Variants in AARS1 observed in about 807,000 individuals in gnomAD.
AARS1 encodes alanyl-tRNA synthetase 1.
AARS1 carries 72 observed loss-of-function variants against 108.9 expected under a neutral mutation model. The ratio of observed to expected loss-of-function variants is 0.66; its 90% CI spans 0.55 to 0.80. The LOEUF (loss-of-function observed/expected upper bound fraction) is 0.80, where lower values mean the gene tolerates loss of function less well. AARS1 is among the 30% of genes least tolerant of loss of function. The pLI, the probability that AARS1 is intolerant of heterozygous loss-of-function variation, is 0.00. For missense variants in AARS1, 1,193 were observed against 1,233.2 expected (o/e 0.97, Z 0.49); for synonymous variants, 489 against 465.7 (o/e 1.05, Z -0.64).
intron 1 of AARS1, among the ~76,000 whole-genome samples, chr16:70,286,465 T>C (rs1276753177): frequency 6.6e-6 from 1 of 151,170 alleles, no homozygotes; most frequent in African/African-American, 2.4e-5. Context: ...GGCTCAGGTG[T>C]TCCTCCCACC....
intron 9 of AARS1, among the ~76,000 whole-genome samples, chr16:70,267,168 C>A (rs1960284091): frequency 6.6e-6 from 1 of 152,116 alleles, no homozygotes; most frequent in South Asian, 2.1e-4. Context: ...AATGTGTGTT[C>A]AATTTGTGAA....
intron 8 of AARS1, 148 bp from the exon 9 acceptor site, chr16:70,267,957 C>G (rs752401640): frequency 8.9e-7 from 1 of 1,127,360 alleles, no homozygotes; most frequent in Non-Finnish European, 1.3e-6. Flanking sequence ...TGCCTGAGCT[C>G]AGGAGTTCAA....
At position 70,259,007 on chromosome 16, in the gene AARS1, A is replaced by G. The variant is rs779013701; in HGVS notation, c.1965T>C (p.Ile655=). ...TGGCTGCCTCAATCATCTCATTAGC[A>G]ATCTCTTCAGCCTTCTTGATCTGTT... ...STQQIKKAEE[I]ANEMIEAAKA... Residue 655 remains isoleucine (I), a synonymous_variant, in exon 14 of 21, where the codon ATT becomes ATC. Coordinates refer to ENST00000261772, the MANE Select transcript of AARS1 (RefSeq NM_001605.3). 2 of 1,614,108 alleles carry G rather than the reference A, an allele frequency of 1.2e-6. No individual in the cohort carries two copies. Among genetic ancestry groups the G allele is most frequent in the Non-Finnish European group, 1.7e-6 (2 of 1,180,048 alleles).
Position 70,252,721 on chromosome 16 carries a change from TC to T in AARS1, c.2906del (p.Ter969=). ...CAGTGGGAGCCTCCTCCTTCCCCAC[TC>T]AGTTCTTTACATCCCCGAGGCGCAG... ...AQLRLGDVKN[*>X] On this transcript the variant is annotated frameshift_variant and stop_lost, in exon 21 of 21. Transcript: ENST00000261772. LOFTEE classifies it high-confidence loss of function. The T allele has an allele frequency of 6.2e-7, 1 of 1,614,012 alleles. No individual in the cohort carries two copies. The highest frequency in any genetic ancestry group is 8.5e-7 in the Non-Finnish European group (1 of 1,180,008).
chr16:70,258,974 T>C lies in AARS1; in HGVS notation c.1992+6A>G. On this transcript the variant is annotated splice_donor_region_variant and intron_variant, in intron 14 of 20. Transcript: ENST00000261772. ...AGGGGGGGCATTCAGCCGTCGCCCATCCTACCTTGGCTGCCTCAATCATCT... is the reference window on the plus strand; with the variant it reads ...AGGGGGGGCATTCAGCCGTCGCCCACCCTACCTTGGCTGCCTCAATCATCT... 1 of 1,614,086 alleles carries C rather than the reference T, an allele frequency of 6.2e-7. No homozygotes were observed. The highest frequency in any genetic ancestry group is 8.5e-7 in the Non-Finnish European group (1 of 1,179,984).
At chr16:70,279,350 CAAAAAAAAAAAAAAAA>C (rs57438636) in intron 2 of AARS1, among the ~76,000 whole-genome samples, 1 of 37,798 alleles carries the variant, frequency 2.6e-5, no homozygotes, top group South Asian at 1.5e-3. Flanking sequence ...AACTTCATCT[CAAAAAAAAAAAAAAAA>C]AAAAAAAAAA....
chr16:70,289,459 T>C lies in AARS1; in HGVS notation c.-60A>G. 1 of 417,844 alleles carries C rather than the reference T, an allele frequency of 2.4e-6. No individual in the cohort carries two copies. Among genetic ancestry groups the C allele is most frequent in the South Asian group, 1.7e-5 (1 of 57,402 alleles). 25.9% of individuals were successfully genotyped at this position (417,844 alleles called of 1,614,324 possible). A position where few individuals can be genotyped will look rare whatever the true frequency, so the allele number is the denominator to read the frequency against. On this transcript the variant is annotated 5_prime_UTR_variant, in exon 1 of 21. Transcript: ENST00000261772. Reference sequence around the variant, plus strand: ...GCCGTCCCCAGCTCCTCCCTCAGAGTCCCCCGCCAAGGGCCCGCTGCACCT... The same window carrying C: ...GCCGTCCCCAGCTCCTCCCTCAGAGCCCCCCGCCAAGGGCCCGCTGCACCT...
In AARS1 at chr16:70,282,726, C is replaced by T. The variant is rs774437336; in HGVS notation, c.38G>A (p.Arg13Gln). 14 of 1,614,044 alleles carry T rather than the reference C, an allele frequency of 8.7e-6. No homozygotes were observed. Among genetic ancestry groups the T allele is most frequent in the East Asian group, 2.2e-5 (1 of 44,880 alleles). Reference protein sequence around the residue: ...STLTASEIRQRFIDFFKRNEH... With the variant: ...STLTASEIRQQFIDFFKRNEH... ...GTTCCTCTTGAAGAAATCTATAAAT[C>T]GCTGCCGGATTTCACTTGCTGTTAG... The change falls in exon 2 of 21, where the codon CGA becomes CAA. Residue 13 changes from arginine (R) to glutamine (Q), a missense_variant. Arg to Gln is a conservative substitution (Grantham distance 43). Transcript: ENST00000261772.
At chr16:70,262,251 T>G (rs1597437662) in intron 12 of AARS1, 95 bp downstream of exon 12, 1 of 1,460,134 alleles carries the variant, frequency 6.8e-7, no homozygotes. Context: ...GTGTGTCAGG[T>G]CTGCTCCCAA....
intron 3 of AARS1, 86 bp from the exon 4 acceptor site, chr16:70,276,717 C>G: frequency 2.1e-6 from 3 of 1,435,102 alleles, no homozygotes; most frequent in Non-Finnish European, 1.9e-6. Flanking sequence ...AACACAGATA[C>G]AAAATCACAA....
chr16:70,256,613 T>C (rs1309715046), intron 15 of AARS1, among the ~76,000 whole-genome samples: 1 of 152,142 alleles, frequency 6.6e-6, no homozygotes, highest in East Asian at 1.9e-4. Context: ...GGTATAAAGT[T>C]TTTGAAAGCT....
chr16:70,283,659 G>C (rs1960765564), intron 1 of AARS1, among the ~76,000 whole-genome samples: 1 of 152,166 alleles, frequency 6.6e-6, no homozygotes, highest in African/African-American at 2.4e-5. Flanking sequence ...GGTTTGGCCT[G>C]ATGTCATGGT....
At chr16:70,281,589 T>C (rs1443009574) in intron 2 of AARS1, among the ~76,000 whole-genome samples, 2 of 152,068 alleles carry the variant, frequency 1.3e-5, no homozygotes, top group Non-Finnish European at 2.9e-5. Context: ...TCGCTTGAAC[T>C]CGGGAGGCAG....
intron 8 of AARS1, 80 bp downstream of exon 8, chr16:70,268,191 T>G: frequency 1.5e-6 from 2 of 1,331,566 alleles, no homozygotes; most frequent in Non-Finnish European, 2.2e-6. Context: ...AAAAAGCTGC[T>G]TAACAGTATG....
intron 1 of AARS1, 142 bp from the exon 2 acceptor site, chr16:70,282,926 T>A (rs539445664): frequency 2.5e-6 from 2 of 794,198 alleles, no homozygotes; most frequent in South Asian, 1.5e-5. Flanking sequence ...TGTTGTAATG[T>A]CCAAGGCTAA....
chr16:70,272,925 A>ACAC (rs1567608990), intron 4 of AARS1, among the ~76,000 whole-genome samples: 6 of 71,094 alleles, frequency 8.4e-5, no homozygotes, highest in Non-Finnish European at 1.6e-4. Context: ...CACACACACA[A>ACAC]AAGATTGTGC....
intron 1 of AARS1, among the ~76,000 whole-genome samples, chr16:70,286,623 G>A (rs1960850170): frequency 6.8e-6 from 1 of 147,320 alleles, no homozygotes. Context: ...GGATCACAAG[G>A]TCAGGAGATC....
intron 19 of AARS1, 121 bp from the exon 20 acceptor site, chr16:70,253,502 C>G: frequency 9.4e-7 from 1 of 1,064,566 alleles, no homozygotes; most frequent in Non-Finnish European, 1.4e-6. Flanking sequence ...AGGGGCTGTG[C>G]CCAGGGCCTG....
rs886786522 is a variant in AARS1, at chr16:70,276,002, A to AGGAGTTCG, written c.479+476_479+483dup. On this transcript the variant is annotated intron_variant, in intron 4 of 20. Transcript: ENST00000261772. The stretch of plus-strand genomic sequence containing the variant: ...CGGGCACGGTGGATTACCTGAGGTC[A>AGGAGTTCG]GGAGTTCGAGACCAGCCTGGCCAAC... 3 of 148,616 alleles carry AGGAGTTCG rather than the reference A, an allele frequency of 2.0e-5. No individual in the cohort carries two copies. The Admixed American group carries it at 2.0e-4, about 10-fold the overall frequency. 9.2% of individuals were successfully genotyped at this position (148,616 alleles called of 1,614,324 possible).
Sources: gnomAD v4.1 joint callset for allele counts (sites outside exome capture counted in the v4.1 genomes callset) on GRCh38, gnomAD v4.1.1 for gene constraint, MANE v1.5 for transcripts, NCBI Gene and HGNC (gene_info 2026-07-23, HGNC 2026-07-21) for gene names.